Variants in MFN2 observed in about 807,000 individuals in gnomAD.
MFN2 encodes the protein mitofusin-2.
MFN2 carries 43 observed loss-of-function variants against 87.5 expected under a neutral mutation model. The observed-to-expected ratio is 0.49, with a 90% CI of 0.38 to 0.63. The LOEUF is 0.63. Among genes scored for constraint, MFN2 ranks in the 30% least tolerant of loss-of-function variants. The pLI, the probability that MFN2 is intolerant of heterozygous loss-of-function variation, is 0.00. For missense variants in MFN2, 743 were observed against 972.8 expected (o/e 0.76, Z 3.14); for synonymous variants, 337 against 359.9 (o/e 0.94, Z 0.72).
At position 12,004,428 on chromosome 1, in the gene MFN2, T is replaced by C; in HGVS notation, c.1288-81T>C. 4 of 1,218,498 alleles carry C rather than the reference T, an allele frequency of 3.3e-6. No homozygotes were observed. The highest frequency in any genetic ancestry group is 4.9e-6 in the Non-Finnish European group (4 of 819,900). The allele number at this position is 1,218,498 out of a possible 1,614,324, so 75.5% of individuals were successfully genotyped here. A position where few individuals can be genotyped will look rare whatever the true frequency, so the allele number is the denominator to read the frequency against. On this transcript the variant is annotated intron_variant, in intron 12 of 18. Transcript: ENST00000235329. This position sits in a 1 kb window ranked among gnomAD's most constrained non-coding sequence, Gnocchi z 4.2. ...CTGGTTTGAGAGGAAGGATGTGCCA[T>C]CTGCTAGGATCTCTCCTGGTGCTGC...
intron 17 of MFN2, among the ~76,000 whole-genome samples, chr1:12,008,228 A>G (rs1267612875): frequency 6.6e-6 from 1 of 152,228 alleles, no homozygotes; most frequent in African/African-American, 2.4e-5. Flanking sequence ...CAAAACCGCC[A>G]TCGTCACCAT....
chr1:11,988,010 A>G (rs1054881459), intron 2 of MFN2, among the ~76,000 whole-genome samples: 2 of 152,144 alleles, frequency 1.3e-5, no homozygotes, highest in Admixed American at 6.5e-5. Context: ...TGATGGGGTT[A>G]TGGGTTTTTT....
intron 8 of MFN2, 140 bp from the exon 9 acceptor site, chr1:12,001,261 C>T (rs929155218): frequency 5.2e-6 from 6 of 1,159,382 alleles, no homozygotes; most frequent in African/African-American, 3.1e-5. Context: ...GATCCACCTG[C>T]CTTGGCTTCC....
At position 12,001,441 on chromosome 1, in the gene MFN2, T is replaced by G. The variant is rs765825496; in HGVS notation, c.857T>G (p.Val286Gly). Residue 286 changes from valine to glycine, a missense_variant, in exon 9 of 19, where the codon GTG becomes GGG. By Grantham distance (109) the Val-to-Gly change is moderately radical. Coordinates refer to ENST00000235329, the MANE Select transcript of MFN2 (RefSeq NM_014874.4). ...ATGGAGCGTTGTACCAGCTTCCTGG[T>G]GGATGAGCTGGGCGTGGTGGATCGA... Reference protein sequence around the residue: ...QHMERCTSFLVDELGVVDRSQ... With the variant: ...QHMERCTSFLGDELGVVDRSQ... The G allele has an allele frequency of 3.7e-6, 6 of 1,613,888 alleles. No individual in the cohort carries two copies. In the Admixed American group the frequency reaches 1.0e-4, roughly 27 times the overall value.
At chr1:11,999,318 A>G (rs970618180) in intron 8 of MFN2, among the ~76,000 whole-genome samples, 7 of 152,156 alleles carry the variant, frequency 4.6e-5, no homozygotes, top group African/African-American at 1.7e-4. Flanking sequence ...CCCTAGGCCT[A>G]AAAAGGATCC....
intron 4 of MFN2, among the ~76,000 whole-genome samples, chr1:11,995,488 C>T (rs927684800): frequency 4.0e-5 from 6 of 151,372 alleles, no homozygotes; most frequent in South Asian, 2.1e-4. Context: ...CAAAAATTAG[C>T]CGGGCATGGT....
At chr1:11,985,816 C>T (rs1179749233) in intron 2 of MFN2, among the ~76,000 whole-genome samples, 1 of 152,148 alleles carries the variant, frequency 6.6e-6, no homozygotes, top group African/African-American at 2.4e-5. Flanking sequence ...TTGTGCCTGC[C>T]ACATCCCCTC....
At chr1:12,005,426 T>G (rs1639362450) in intron 14 of MFN2, among the ~76,000 whole-genome samples, 1 of 152,242 alleles carries the variant, frequency 6.6e-6, no homozygotes, top group African/African-American at 2.4e-5. Context: ...CCCATCTTGT[T>G]CTACTACATG....
At position 12,004,464 on chromosome 1, in the gene MFN2, T is replaced by C. The variant is rs1285409678; in HGVS notation, c.1288-45T>C. ...CTCTCCTGGTGCTGCAGGAGTGAAC[T>C]TTGGTCTTCCTTGATACTTAACAGT... is the stretch of plus-strand genomic sequence containing the variant. On this transcript the variant is annotated intron_variant, in intron 12 of 18. Transcript: ENST00000235329. The surrounding 1 kb of genome is among the most constrained non-coding windows in gnomAD (Gnocchi z 4.2). 3 of 1,549,348 alleles carry C rather than the reference T, an allele frequency of 1.9e-6. No homozygotes were observed. The Admixed American group carries it at 5.0e-5, about 26-fold the overall frequency.
rs1374507919 is a variant in MFN2, at chr1:12,004,526, C to T, written c.1305C>T (p.Ala435=). ...TGCTGTAGGTGTCGACTGCAATGGC[C>T]GAGGAGATCAGGCGCCTCTCTGTAC... ...EVERQVSTAM[A]EEIRRLSVLV... The change falls in exon 13 of 19, where the codon GCC becomes GCT. Residue 435 remains alanine, a synonymous_variant. Transcript: ENST00000235329. This position sits in a 1 kb window ranked among gnomAD's most constrained non-coding sequence, Gnocchi z 4.2. 13 of 1,614,074 alleles carry T rather than the reference C, an allele frequency of 8.1e-6. No homozygotes were observed. The highest frequency in any genetic ancestry group is 6.7e-5 in the Admixed American group (4 of 60,014).
chr1:12,004,528 A>G lies in MFN2; in HGVS notation c.1307A>G (p.Glu436Gly). Residue 436 changes from glutamate to glycine, a missense_variant, in exon 13 of 19, where the codon GAG (glutamate) becomes GGG (glycine). Glu to Gly is a moderately conservative substitution (Grantham distance 98). Transcript: ENST00000235329. The surrounding 1 kb of genome is among the most constrained non-coding windows in gnomAD (Gnocchi z 4.2). Reference protein sequence around the residue: ...VERQVSTAMAEEIRRLSVLVD... With the variant: ...VERQVSTAMAGEIRRLSVLVD... The stretch of plus-strand genomic sequence containing the variant: ...CTGTAGGTGTCGACTGCAATGGCCG[A>G]GGAGATCAGGCGCCTCTCTGTACTG... 6.2e-7 allele frequency: 1 copy of G among 1,614,128 alleles called. No homozygotes were observed. The highest frequency in any genetic ancestry group is 8.5e-7 in the Non-Finnish European group (1 of 1,180,004).
intron 8 of MFN2, among the ~76,000 whole-genome samples, chr1:11,999,773 G>A (rs1639090262): frequency 6.6e-6 from 1 of 151,986 alleles, no homozygotes; most frequent in Non-Finnish European, 1.5e-5. Context: ...ACCACCTTGG[G>A]CGACGTAGCA....
In MFN2 at chr1:12,013,467, C is replaced by T. The variant is rs933126234; in HGVS notation, c.*1902C>T. ...TGCTTGAGTTACTCCTGTATCATTGCTCATAATATTGGAAACTAAAATAAA... is the reference window on the plus strand; with the variant it reads ...TGCTTGAGTTACTCCTGTATCATTGTTCATAATATTGGAAACTAAAATAAA... On this transcript the variant is annotated 3_prime_UTR_variant, in exon 19 of 19. Transcript: ENST00000235329. 1 of 419,654 alleles carries T rather than the reference C, an allele frequency of 2.4e-6. No individual in the cohort carries two copies. The highest frequency in any genetic ancestry group is 2.1e-5 in the African/African-American group (1 of 47,662). 26.0% of individuals were successfully genotyped at this position (419,654 alleles called of 1,614,324 possible).
Position 12,001,764 on chromosome 1 carries a change from C to A in MFN2, c.971-5C>A, listed in dbSNP as rs749120321. The A allele has an allele frequency of 6.2e-7, 1 of 1,614,106 alleles. No homozygotes were observed. The highest frequency in any genetic ancestry group is 1.7e-5 in the Admixed American group (1 of 60,008). On this transcript the variant is annotated splice_polypyrimidine_tract_variant and splice_region_variant and intron_variant, in intron 9 of 18. Transcript: ENST00000235329. ...TTCTGGACTAATGCAGTACAATCCT[C>A]CTAGGGGGCGCTCTCGCAGAAGGCT...
At chr1:11,988,021 TCC>T (rs907480292) in intron 2 of MFN2, among the ~76,000 whole-genome samples, 1 of 152,132 alleles carries the variant, frequency 6.6e-6, no homozygotes, top group African/African-American at 2.4e-5. Flanking sequence ...TGGGTTTTTT[TCC>T]CCTTCAGTTT....
At chr1:12,006,381 C>T (rs1639417159) in intron 15 of MFN2, among the ~76,000 whole-genome samples, 157 bp from the exon 16 acceptor site, 1 of 152,168 alleles carries the variant, frequency 6.6e-6, no homozygotes, top group Non-Finnish European at 1.5e-5. Flanking sequence ...CTGAGGGTCT[C>T]CTCTGCTACA....
chr1:12,007,351 G>A, intron 17 of MFN2, 102 bp downstream of exon 17: 1 of 1,424,294 alleles, frequency 7.0e-7, no homozygotes, highest in Non-Finnish European at 9.7e-7. Context: ...AAGCCACTGG[G>A]TCCTAAGCAT....
intron 6 of MFN2, 119 bp from the exon 7 acceptor site, chr1:11,998,651 C>T (rs1639035288): frequency 1.1e-6 from 1 of 881,366 alleles, no homozygotes; most frequent in East Asian, 2.4e-5. Flanking sequence ...TGATTTCTCT[C>T]CCGTCCCTGG....
intron 5 of MFN2, among the ~76,000 whole-genome samples, chr1:11,997,044 A>G (rs1456022042): frequency 6.6e-6 from 1 of 151,918 alleles, no homozygotes; most frequent in Non-Finnish European, 1.5e-5. Flanking sequence ...GTCTCAAAAA[A>G]AAAAAAAAAA....
Sources: allele counts gnomAD v4.1 joint callset (sites outside exome capture counted in the v4.1 genomes callset), GRCh38; gene constraint gnomAD v4.1.1; non-coding constraint Gnocchi (gnomAD v3.1); transcripts MANE v1.5; gene names NCBI Gene and HGNC (gene_info 2026-07-23, HGNC 2026-07-21).